LRRC4C: variants seen among roughly 807,000 people sequenced by gnomAD.
The protein encoded by LRRC4C is leucine-rich repeat-containing protein 4C.
A neutral mutation model predicts 33.6 loss-of-function variants in LRRC4C; 5 were observed. That is an observed-to-expected ratio of 0.15 (90% CI 0.08 to 0.31). The LOEUF is 0.31. Ranked by LOEUF, LRRC4C falls within the 10% of genes least tolerant of loss-of-function variation. The probability of loss-of-function intolerance (pLI) is 1.00; values close to 1 mark genes in which losing one functional copy is unlikely to be tolerated. For missense variants in LRRC4C, 560 were observed against 796.7 expected (o/e 0.70, Z 3.58); for synonymous variants, 329 against 302.0 (o/e 1.09, Z -0.93).
intron 3 of LRRC4C, among the ~76,000 whole-genome samples, chr11:40,499,482 A>G (rs1311308374): frequency 6.6e-6 from 1 of 152,188 alleles, no homozygotes; most frequent in African/African-American, 2.4e-5. Flanking sequence ...CACAGTCCAT[A>G]GTACATTCAA....
At chr11:40,791,516 T>C (rs560118476) in intron 2 of LRRC4C, among the ~76,000 whole-genome samples, 325 of 152,308 alleles carry the variant, frequency 2.1e-3, no homozygotes, top group Non-Finnish European at 3.6e-3. Flanking sequence ...ATAAAAGTTT[T>C]GTAATCACTA....
intron 2 of LRRC4C, among the ~76,000 whole-genome samples, chr11:40,671,230 C>T (rs1944089327): frequency 6.6e-6 from 1 of 152,090 alleles, no homozygotes; most frequent in East Asian, 1.9e-4. Flanking sequence ...TGTGATTAAT[C>T]ATTTTATTAT....
intron 5 of LRRC4C, among the ~76,000 whole-genome samples, chr11:40,228,393 C>T (rs371543421): frequency 3.6e-4 from 54 of 151,972 alleles, no homozygotes; most frequent in African/African-American, 1.2e-3. Context: ...TCCAAGAAAA[C>T]TACAAGATGC....
intron 5 of LRRC4C, among the ~76,000 whole-genome samples, chr11:40,234,860 TCTAAAATCAAAAGC>T (rs1865449203): frequency 6.6e-6 from 1 of 152,218 alleles, no homozygotes; most frequent in South Asian, 2.1e-4. Flanking sequence ...AAGGTGCCAG[TCTAAAATCAAAAGC>T]CTAAAATCAA....
intron 2 of LRRC4C, among the ~76,000 whole-genome samples, chr11:40,921,003 G>A (rs952807403): frequency 6.0e-5 from 9 of 151,014 alleles, no homozygotes; most frequent in East Asian, 5.9e-4. Flanking sequence ...TCACTGCAGC[G>A]TCAGTTTCCT....
intron 1 of LRRC4C, among the ~76,000 whole-genome samples, chr11:41,207,191 A>G (rs1427908096): frequency 6.6e-6 from 1 of 152,094 alleles, no homozygotes; most frequent in Non-Finnish European, 1.5e-5. Flanking sequence ...CTGGTTGCCA[A>G]TTTACAATCA....
At chr11:41,028,500 C>G (rs962675407) in intron 1 of LRRC4C, among the ~76,000 whole-genome samples, 12 of 151,496 alleles carry the variant, frequency 7.9e-5, no homozygotes, top group African/African-American at 2.9e-4. Flanking sequence ...TAGCTTCTCT[C>G]TCACTTAAAT....
At chr11:41,289,576 A>C (rs1949934768) in intron 1 of LRRC4C, among the ~76,000 whole-genome samples, 1 of 152,186 alleles carries the variant, frequency 6.6e-6, no homozygotes, top group Admixed American at 6.5e-5. Context: ...TGAACAGAGA[A>C]GAGGCCACTT....
intron 3 of LRRC4C, among the ~76,000 whole-genome samples, chr11:40,404,903 A>G (rs1649746067): frequency 6.6e-6 from 1 of 151,948 alleles, no homozygotes; most frequent in Admixed American, 6.6e-5. Context: ...ATAAATTAAC[A>G]TATCCATCAT....
At chr11:41,046,502 G>T (rs941160299) in intron 1 of LRRC4C, among the ~76,000 whole-genome samples, 6 of 152,146 alleles carry the variant, frequency 3.9e-5, no homozygotes, top group Non-Finnish European at 7.4e-5. Flanking sequence ...AGAGATTAAA[G>T]ACATCACTCT....
chr11:41,207,596 A>G (rs957431289), intron 1 of LRRC4C, among the ~76,000 whole-genome samples: 1 of 151,930 alleles, frequency 6.6e-6, no homozygotes, highest in African/African-American at 2.4e-5. Context: ...CTCCACTGCC[A>G]CTTTCCCTCT....
At chr11:40,506,375 G>A (rs559078395) in intron 3 of LRRC4C, among the ~76,000 whole-genome samples, 102 of 152,258 alleles carry the variant, frequency 6.7e-4, no homozygotes, top group African/African-American at 2.4e-3. Context: ...ACTACTGAAT[G>A]AAAACTTGTC....
chr11:41,136,956 G>A (rs1943289157), intron 1 of LRRC4C, among the ~76,000 whole-genome samples: 1 of 151,972 alleles, frequency 6.6e-6, no homozygotes, highest in Non-Finnish European at 1.5e-5. Context: ...TGGCTTAAAA[G>A]TGCCCTTTAG....
chr11:40,141,339 T>G (rs985318778), intron 5 of LRRC4C, among the ~76,000 whole-genome samples: 1 of 152,074 alleles, frequency 6.6e-6, no homozygotes, highest in Non-Finnish European at 1.5e-5. Flanking sequence ...AAGAAAGATA[T>G]AAAATCTTTC....
chr11:40,882,426 T>C (rs186836946), intron 2 of LRRC4C, among the ~76,000 whole-genome samples: 1 of 152,232 alleles, frequency 6.6e-6, no homozygotes, highest in East Asian at 1.9e-4. Flanking sequence ...CTACGGCCTG[T>C]GGGATAAGGT....
chr11:41,169,201 G>T (rs760505495), intron 1 of LRRC4C, among the ~76,000 whole-genome samples: 8 of 152,112 alleles, frequency 5.3e-5, no homozygotes, highest in Non-Finnish European at 1.0e-4. Context: ...TCAAAACATT[G>T]CTTATGCCAT....
chr11:40,208,978 T>TGTGC (rs1863374329), intron 5 of LRRC4C, among the ~76,000 whole-genome samples: 1 of 152,054 alleles, frequency 6.6e-6, no homozygotes, highest in African/African-American at 2.4e-5. Flanking sequence ...TGTGTGTGTG[T>TGTGC]GTTTCTTCCT....
intron 1 of LRRC4C, among the ~76,000 whole-genome samples, chr11:41,158,843 T>C (rs1254434899): frequency 6.6e-6 from 1 of 152,106 alleles, no homozygotes; most frequent in Non-Finnish European, 1.5e-5. Flanking sequence ...GACCACAGAA[T>C]TATAGCACAA....
chr11:40,490,781 C>T (rs553749144), intron 3 of LRRC4C, among the ~76,000 whole-genome samples: 1 of 152,206 alleles, frequency 6.6e-6, no homozygotes, highest in South Asian at 2.1e-4. Context: ...ATTTATATTG[C>T]ATTAACTTCT....
Sources: allele counts gnomAD v4.1 joint callset (sites outside exome capture counted in the v4.1 genomes callset), GRCh38; gene constraint gnomAD v4.1.1; transcripts MANE v1.5; gene names NCBI Gene and HGNC (gene_info 2026-07-23, HGNC 2026-07-21).